Variants in MTMR9 observed in about 807,000 individuals in gnomAD.
MTMR9 encodes the protein myotubularin-related protein 9.
A neutral mutation model predicts 69.5 loss-of-function variants in MTMR9; 39 were observed. The observed-to-expected ratio is 0.56, with a 90% CI of 0.43 to 0.73. MTMR9 has a LOEUF of 0.73. MTMR9 is among the 30% of genes least tolerant of loss of function. The probability of loss-of-function intolerance (pLI) is 0.00; values close to 1 mark genes in which losing one functional copy is unlikely to be tolerated. For synonymous variants in MTMR9, 354 were observed against 240.8 expected (o/e 1.47, Z -4.35); for missense variants, 900 against 671.2 (o/e 1.34, Z -3.77).
At chr8:11,331,544 C>T, downstream of MTMR9, 1 of 1,613,792 alleles carries the variant, frequency 6.2e-7, no homozygotes, top group Non-Finnish European at 8.5e-7. Context: ...CTGTCCTCAC[C>T]CTCTGCCTTG....
At chr8:11,320,101 A>G (rs974851131) in intron 9 of MTMR9, 6 of 371,822 alleles carry the variant, frequency 1.6e-5, no homozygotes, top group African/African-American at 2.1e-5. Context: ...TAGATAAGAA[A>G]GTACCTTACT....
intron 1 of MTMR9, among the ~76,000 whole-genome samples, chr8:11,287,858 ATATAT>A (rs1485131771): frequency 6.9e-4 from 80 of 115,274 alleles, no homozygotes; most frequent in Non-Finnish European, 9.9e-4. Context: ...TATATATGTT[ATATAT>A]TATATTATAA....
At chr8:11,331,476 G>C (rs369911478), downstream of MTMR9, 1 of 1,613,956 alleles carries the variant, frequency 6.2e-7, no homozygotes, top group South Asian at 1.1e-5. Context: ...TGCAGTTCAG[G>C]TGGTGCCCGC....
chr8:11,322,630 T>G lies in MTMR9; in HGVS notation c.1492T>G (p.Phe498Val), dbSNP rs1800747284. ...TCCATTCCTGGATTCAATAGGTATT[T>G]TCCTACGTTGGAATAGATCCTCTAA... ...PQSLPLWEGI[F>V]LRWNRSSKYL... The change falls in exon 10 of 10, where the codon TTC becomes GTC. Residue 498 changes from phenylalanine to valine, a missense_variant. Coordinates refer to ENST00000221086, the MANE Select transcript of MTMR9 (RefSeq NM_015458.4). The G allele has an allele frequency of 1.2e-6, 2 of 1,613,376 alleles. No homozygotes were observed. Among genetic ancestry groups the G allele is most frequent in the South Asian group, 2.2e-5 (2 of 90,930 alleles).
At position 11,325,776 on chromosome 8, in the gene MTMR9, GATTTTATTA is replaced by G. The variant is rs1585142569; in HGVS notation, c.*2990_*2998del. The G allele has an allele frequency of 6.6e-6, 1 of 151,152 alleles. No individual in the cohort carries two copies. Among genetic ancestry groups the G allele is most frequent in the Non-Finnish European group, 1.5e-5 (1 of 67,852 alleles). 9.4% of individuals were successfully genotyped at this position (151,152 alleles called of 1,614,324 possible). ...TTATTTGGTCAAAATTTTTTATTTT[GATTTTATTA>G]AATGGGAAGAAAGCAAGCAGAAATA... On this transcript the variant is annotated 3_prime_UTR_variant, in exon 10 of 10. Transcript: ENST00000221086.
At chr8:11,334,880 A>C in the MTMR9 span, among the ~76,000 whole-genome samples, 1 of 152,242 alleles carries the variant, frequency 6.6e-6, no homozygotes, top group Non-Finnish European at 1.5e-5. Flanking sequence ...AGCTTTTCAC[A>C]AAATCCAAAA....
In MTMR9 at chr8:11,285,038, C is replaced by T. The variant is rs373118710; in HGVS notation, c.150C>T (p.Leu50=). Residue 50 remains leucine (L), a synonymous_variant, in exon 1 of 10, where the codon CTC becomes CTT. Coordinates refer to ENST00000221086, the MANE Select transcript of MTMR9 (RefSeq NM_015458.4). ...AGGACAATACGGAGGAGCTGTGGCT[C>T]CTCCATTCAAACATCGACGCCATCG... ...SRQDNTEELW[L]LHSNIDAIDK... is the part of the protein sequence containing the mutation. 1.2e-4 allele frequency: 191 copies of T among 1,611,170 alleles called. No homozygotes were observed. Among genetic ancestry groups the T allele is most frequent in the Non-Finnish European group, 1.3e-4 (152 of 1,178,676 alleles).
intron 1 of MTMR9, 106 bp downstream of exon 1, chr8:11,285,176 C>T (rs1472622170): frequency 1.7e-6 from 2 of 1,151,944 alleles, no homozygotes; most frequent in Admixed American, 2.9e-5. Context: ...CCCAGCTAGC[C>T]GGCAAGATGA....
Position 11,324,412 on chromosome 8 carries a change from G to A in MTMR9, c.*1624G>A, listed in dbSNP as rs1458353287. On this transcript the variant is annotated 3_prime_UTR_variant, in exon 10 of 10. Transcript: ENST00000221086. ...TTATTTTTGACTTACTTTCTTTGCTGTAGTTATGAACCTTGGGGCATTAAA... is the reference window on the plus strand; with the variant it reads ...TTATTTTTGACTTACTTTCTTTGCTATAGTTATGAACCTTGGGGCATTAAA... 1 of 150,910 alleles carries A rather than the reference G, an allele frequency of 6.6e-6. No individual in the cohort carries two copies. The highest frequency in any genetic ancestry group is 2.4e-5 in the African/African-American group (1 of 41,002). The allele number at this position is 150,910 out of a possible 1,614,324, so 9.3% of individuals were successfully genotyped here.
intron 6 of MTMR9, among the ~76,000 whole-genome samples, chr8:11,310,393 C>A (rs1426223970): frequency 6.6e-6 from 1 of 152,204 alleles, no homozygotes; most frequent in Non-Finnish European, 1.5e-5. Context: ...ATTATCACCA[C>A]ATGGATAGAT....
rs2117615 is a variant in MTMR9 at position 11,295,536 on chromosome 8, T to G, written c.291+234T>G. On this transcript the variant is annotated intron_variant, in intron 2 of 9. Coordinates refer to ENST00000221086, the MANE Select transcript of MTMR9 (RefSeq NM_015458.4). Reference sequence around the variant, plus strand: ...TGAGTAGCTCAATTCCATGAGTTGCTTGGAATTCCATTTCCAATGGCTTTG... The same window carrying G: ...TGAGTAGCTCAATTCCATGAGTTGCGTGGAATTCCATTTCCAATGGCTTTG... 8.5e-4 allele frequency among the ~76,000 whole-genome samples: 130 copies of G among 152,284 alleles called. 1 individual carries two copies. The highest frequency in any genetic ancestry group is 3.0e-3 in the African/African-American group (123 of 41,514).
intron 3 of MTMR9, among the ~76,000 whole-genome samples, chr8:11,304,408 AAGT>A (rs1372875290): frequency 1.3e-5 from 2 of 152,214 alleles, no homozygotes; most frequent in East Asian, 3.8e-4. Context: ...GAAAAGGAAG[AAGT>A]AGGATGATGT....
At chr8:11,330,199 G>T (rs1284684358), downstream of MTMR9, among the ~76,000 whole-genome samples, 1 of 139,306 alleles carries the variant, frequency 7.2e-6, no homozygotes, top group Non-Finnish European at 1.6e-5. Context: ...GGAGGGAGGT[G>T]GGGGGTCAGC....
downstream of MTMR9, chr8:11,332,132 T>C (rs764532913): frequency 2.0e-5 from 33 of 1,611,034 alleles, no homozygotes; most frequent in African/African-American, 1.1e-4. Context: ...GAGATAGAAC[T>C]TGGGAGCCCG....
At chr8:11,307,629 T>C (rs1195056219) in intron 5 of MTMR9, among the ~76,000 whole-genome samples, 1 of 152,202 alleles carries the variant, frequency 6.6e-6, no homozygotes, top group East Asian at 1.9e-4. Flanking sequence ...CCATACTGTT[T>C]TCCACAGTGG....
In MTMR9 at chr8:11,309,600, T is replaced by C. The variant is rs1360625894; in HGVS notation, c.883T>C (p.Trp295Arg). Reference protein sequence around the residue: ...CNDQTHNMDRWLSKLEASNWL... With the variant: ...CNDQTHNMDRRLSKLEASNWL... ...TGACCAAACACATAACATGGACCGA[T>C]GGCTCAGTAAATTGGAGGCCTCTAA... Residue 295 changes from tryptophan to arginine, a missense_variant, in exon 6 of 10, where the codon TGG (tryptophan) becomes CGG (arginine). Transcript: ENST00000221086. 6.2e-7 allele frequency: 1 copy of C among 1,613,952 alleles called. No individual in the cohort carries two copies. Among genetic ancestry groups the C allele is most frequent in the South Asian group, 1.1e-5 (1 of 91,068 alleles).
rs1351671892 is a variant in MTMR9 at position 11,324,106 on chromosome 8, C to A, written c.*1318C>A. 6.6e-6 allele frequency: 1 copy of A among 152,074 alleles called. No homozygotes were observed. The highest frequency in any genetic ancestry group is 1.5e-5 in the Non-Finnish European group (1 of 68,002). 9.4% of individuals were successfully genotyped at this position (152,074 alleles called of 1,614,324 possible). On this transcript the variant is annotated 3_prime_UTR_variant, in exon 10 of 10. Transcript: ENST00000221086. ...ATAGTTTATGAGTAATCTTTAAAAC[C>A]ATTTCCATACCATCTGTATATAACC...
intron 1 of MTMR9, among the ~76,000 whole-genome samples, chr8:11,293,791 C>T (rs76552438): frequency 0.011 from 1,627 of 149,350 alleles, 16 homozygotes; most frequent in Non-Finnish European, 0.018. Flanking sequence ...TCCAGTTGTG[C>T]CAGCACCATT....
chr8:11,335,661 G>C, the MTMR9 span, among the ~76,000 whole-genome samples: 1 of 152,158 alleles, frequency 6.6e-6, no homozygotes, highest in African/African-American at 2.4e-5. Flanking sequence ...TTATTATAAA[G>C]CCACGTTAAT....
Sources: allele counts gnomAD v4.1 joint callset (sites outside exome capture counted in the v4.1 genomes callset), GRCh38; gene constraint gnomAD v4.1.1; transcripts MANE v1.5; gene names NCBI Gene and HGNC (gene_info 2026-07-23, HGNC 2026-07-21).